STX8: variants seen among roughly 807,000 people sequenced by gnomAD.
The protein encoded by STX8 is syntaxin 8, also known as syntaxin-8.
In STX8, 23 loss-of-function variants were observed where a neutral mutation model predicts 37.5. That is an observed-to-expected ratio of 0.61 (90% CI 0.44 to 0.87). The LOEUF is 0.87. STX8 is among the 40% of genes least tolerant of loss of function. The pLI, the probability that STX8 is intolerant of heterozygous loss-of-function variation, is 0.00. For synonymous variants in STX8, 115 were observed against 99.1 expected (o/e 1.16, Z -0.95); for missense variants, 313 against 284.7 (o/e 1.10, Z -0.71).
chr17:9,254,651 C>A (rs1038814362), intron 7 of STX8, among the ~76,000 whole-genome samples: 3 of 152,148 alleles, frequency 2.0e-5, no homozygotes, highest in African/African-American at 7.2e-5. Context: ...CCTCCTGGGC[C>A]TCCCAAAGTG....
At chr17:9,412,971 A>T (rs988879893) in intron 6 of STX8, among the ~76,000 whole-genome samples, 1 of 152,198 alleles carries the variant, frequency 6.6e-6, no homozygotes, top group African/African-American at 2.4e-5. Context: ...GAAAAGTTGC[A>T]ATAGGACAAA....
chr17:9,430,530 T>C (rs1913918496), intron 6 of STX8, among the ~76,000 whole-genome samples: 1 of 152,056 alleles, frequency 6.6e-6, no homozygotes, highest in Non-Finnish European at 1.5e-5. Context: ...TTCATATATG[T>C]AATCGCATAT....
At chr17:9,255,099 C>A (rs8077896) in intron 7 of STX8, among the ~76,000 whole-genome samples, 1 of 151,946 alleles carries the variant, frequency 6.6e-6, no homozygotes, top group Non-Finnish European at 1.5e-5. Context: ...ACAGTTTTAG[C>A]GCATGGTGGG....
chr17:9,459,440 G>T (rs1001038483), intron 6 of STX8, among the ~76,000 whole-genome samples: 1 of 152,208 alleles, frequency 6.6e-6, no homozygotes, highest in East Asian at 1.9e-4. Context: ...CTGCCTCAGG[G>T]AAAGAACTGC....
In STX8 at chr17:9,356,709, C is replaced by A. The variant is rs4791346; in HGVS notation, c.643+21843G>T. Among the ~76,000 whole-genome samples the A allele has an allele frequency of 5.3e-3, 807 of 152,302 alleles. 31 individuals carry two copies. Among genetic ancestry groups the A allele is most frequent in the Admixed American group, 0.044 (677 of 15,284 alleles). ...CAAGTGTCTGTATTCTAACAGTGTT[C>A]CCCATGGCAGTGGCAGCCTCTCTTT... On this transcript the variant is annotated intron_variant, in intron 7 of 7. Transcript: ENST00000306357.
At chr17:9,505,213 T>C (rs374497082) in intron 4 of STX8, 51 bp from the exon 5 acceptor site, 23 of 1,567,324 alleles carry the variant, frequency 1.5e-5, no homozygotes, top group Non-Finnish European at 2.0e-5. Context: ...GCAGCTCAAA[T>C]GCAAATTACT....
chr17:9,575,177 C>T (rs1907853293), intron 1 of STX8, among the ~76,000 whole-genome samples: 1 of 152,202 alleles, frequency 6.6e-6, no homozygotes, highest in Admixed American at 6.5e-5. Context: ...TCACCCTTAT[C>T]AGCTATTGTT....
intron 6 of STX8, among the ~76,000 whole-genome samples, chr17:9,391,321 G>A (rs1421833336): frequency 6.6e-6 from 1 of 152,018 alleles, no homozygotes; most frequent in Non-Finnish European, 1.5e-5. Context: ...ACATGGTGGT[G>A]CATGCCTGTA....
At position 9,509,108 on chromosome 17, in the gene STX8, G is replaced by T. The variant is rs184788739; in HGVS notation, c.324-3946C>A. On this transcript the variant is annotated intron_variant, in intron 4 of 7. Transcript: ENST00000306357. The stretch of plus-strand genomic sequence containing the variant: ...CTAAAAATACAAAAAAATTAGCTGG[G>T]CATGGTGGCAGGTGCCTGTAATCCC... Among the ~76,000 whole-genome samples the T allele has an allele frequency of 6.6e-4, 100 of 152,224 alleles. No homozygotes were observed. The East Asian group carries it at 0.016, about 25-fold the overall frequency.
intron 6 of STX8, among the ~76,000 whole-genome samples, chr17:9,484,254 C>T (rs909446004): frequency 2.0e-5 from 3 of 151,896 alleles, no homozygotes; most frequent in East Asian, 1.9e-4. Context: ...GGTTCCAGTG[C>T]GGTGGAGAAT....
chr17:9,535,435 T>TG (rs1905997551), intron 4 of STX8, among the ~76,000 whole-genome samples: 2 of 108,206 alleles, frequency 1.8e-5, no homozygotes, highest in Middle Eastern at 4.3e-3. Flanking sequence ...TTTTTTTTTT[T>TG]TTTTTTTTTT....
At chr17:9,377,479 A>G (rs1435782512) in intron 7 of STX8, among the ~76,000 whole-genome samples, 1 of 151,964 alleles carries the variant, frequency 6.6e-6, no homozygotes, top group African/African-American at 2.4e-5. Context: ...TTTTAAAATT[A>G]ATTAATTTTG....
intron 6 of STX8, among the ~76,000 whole-genome samples, chr17:9,413,875 T>TATCGATCCATCC (rs1228037610): frequency 1.3e-5 from 2 of 150,874 alleles, no homozygotes; most frequent in East Asian, 4.0e-4. Context: ...TGTATGCATC[T>TATCGATCCATCC]ATCGATCCAT....
At chr17:9,353,386 A>G (rs1227918797) in intron 7 of STX8, among the ~76,000 whole-genome samples, 1 of 152,218 alleles carries the variant, frequency 6.6e-6, no homozygotes, top group Non-Finnish European at 1.5e-5. Context: ...TTAGAAACCA[A>G]GAACTGGGTG....
intron 7 of STX8, among the ~76,000 whole-genome samples, chr17:9,362,828 C>CAAAA (rs765809132): frequency 3.1e-4 from 32 of 101,680 alleles, no homozygotes; most frequent in African/African-American, 6.6e-4. Context: ...GACTCCGTCT[C>CAAAA]AAAAAAAAAA....
intron 6 of STX8, among the ~76,000 whole-genome samples, chr17:9,416,142 G>A (rs1043466249): frequency 2.6e-4 from 39 of 152,262 alleles, no homozygotes; most frequent in Non-Finnish European, 4.7e-4. Flanking sequence ...CTCAGCCCTG[G>A]TTGCACATTA....
chr17:9,474,226 C>T (rs1906004414), intron 6 of STX8, among the ~76,000 whole-genome samples: 3 of 152,106 alleles, frequency 2.0e-5, no homozygotes, highest in Non-Finnish European at 1.5e-5. Flanking sequence ...CTATACCTTG[C>T]CCTATATACT....
At chr17:9,471,729 G>A (rs1304299546) in intron 6 of STX8, among the ~76,000 whole-genome samples, 1 of 152,132 alleles carries the variant, frequency 6.6e-6, no homozygotes, top group African/African-American at 2.4e-5. Flanking sequence ...TGTCGCACGT[G>A]CTGTCACAAC....
intron 7 of STX8, among the ~76,000 whole-genome samples, chr17:9,321,149 C>T (rs557319939): frequency 2.0e-5 from 3 of 152,008 alleles, no homozygotes; most frequent in East Asian, 1.9e-4. Flanking sequence ...ATAAAAATAA[C>T]GACATGGGAA....
Sources: gnomAD v4.1 joint callset for allele counts (sites outside exome capture counted in the v4.1 genomes callset) on GRCh38, gnomAD v4.1.1 for gene constraint, MANE v1.5 for transcripts, NCBI Gene and HGNC (gene_info 2026-07-23, HGNC 2026-07-21) for gene names.